Variants in SMAD4 observed in about 807,000 individuals in gnomAD.
SMAD4 encodes MAD homolog 4.
SMAD4 carries 7 observed loss-of-function variants against 63.2 expected under a neutral mutation model. The observed-to-expected ratio is 0.11, with a 90% CI of 0.06 to 0.21. The LOEUF is 0.21. Ranked by LOEUF, SMAD4 falls within the 10% of genes least tolerant of loss-of-function variation. The pLI is 1.00. For synonymous variants in SMAD4, 215 were observed against 235.4 expected, an observed-to-expected ratio of 0.91 and a Z score of 0.79; for missense variants, 312 against 693.8, an observed-to-expected ratio of 0.45 and a Z score of 6.18.
intron 4 of SMAD4, 127 bp downstream of exon 4, chr18:51,049,451 G>A: frequency 1.4e-6 from 1 of 739,294 alleles, no homozygotes; most frequent in East Asian, 2.6e-5. Flanking sequence ...TTACTGCTTT[G>A]GAAATGTAGA....
At chr18:51,071,268 A>G (rs924021659) in intron 10 of SMAD4, among the ~76,000 whole-genome samples, 1 of 150,946 alleles carries the variant, frequency 6.6e-6, no homozygotes, top group Non-Finnish European at 1.5e-5. Context: ...ATGCACATAC[A>G]CACACACACA....
chr18:51,071,027 A>C (rs898429260), intron 10 of SMAD4, among the ~76,000 whole-genome samples: 1 of 152,202 alleles, frequency 6.6e-6, no homozygotes, highest in Non-Finnish European at 1.5e-5. Flanking sequence ...CTAAAGTTTC[A>C]TGCATCCACT....
At chr18:51,050,841 C>G (rs1439643287) in intron 4 of SMAD4, among the ~76,000 whole-genome samples, 1 of 151,178 alleles carries the variant, frequency 6.6e-6, no homozygotes, top group African/African-American at 2.4e-5. Context: ...TTTTTTCCAC[C>G]TTTCTCCCAT....
chr18:51,084,901 GTCAGTT>G lies in SMAD4; in HGVS notation c.*6435_*6440del. ...GTAGCTTCTGCTTTGGGGACAACTG[GTCAGTT>G]GAAAGTCCCAGGAGTTCCTTTGTGG... On this transcript the variant is annotated 3_prime_UTR_variant, in exon 12 of 12. Coordinates refer to ENST00000342988, the MANE Select transcript of SMAD4 (RefSeq NM_005359.6). The G allele has an allele frequency of 4.5e-6, 1 of 221,594 alleles. No homozygotes were observed. Among genetic ancestry groups the G allele is most frequent in the Non-Finnish European group, 9.0e-6 (1 of 110,768 alleles). The allele number at this position is 221,594 out of a possible 1,614,324, so 13.7% of individuals were successfully genotyped here.
chr18:51,030,898 C>T (rs1430840793), intron 1 of SMAD4, among the ~76,000 whole-genome samples: 2 of 152,088 alleles, frequency 1.3e-5, no homozygotes, highest in Non-Finnish European at 2.9e-5. Flanking sequence ...ACTCCTGCCG[C>T]GGCCGCCGCT....
Position 51,047,307 on chromosome 18 carries a change from A to G in SMAD4, c.249+12A>G, listed in dbSNP as rs1158242863. 1 of 1,610,202 alleles carries G rather than the reference A, an allele frequency of 6.2e-7. No individual in the cohort carries two copies. Among genetic ancestry groups the G allele is most frequent in the Non-Finnish European group, 8.5e-7 (1 of 1,177,682 alleles). The stretch of plus-strand genomic sequence containing the variant: ...ATGGGAGGCTTCAGGTTAGTCTTAT[A>G]AGAGTTTTTCTATACCCTCTATGGT... On this transcript the variant is annotated intron_variant, in intron 2 of 11. Coordinates refer to ENST00000342988, the MANE Select transcript of SMAD4 (RefSeq NM_005359.6).
intron 4 of SMAD4, among the ~76,000 whole-genome samples, chr18:51,049,733 A>G (rs545974661): frequency 6.6e-6 from 1 of 152,294 alleles, no homozygotes; most frequent in Admixed American, 6.5e-5. Context: ...CAGTATTCTA[A>G]TTTTCCTTCA....
At chr18:51,031,358 C>CTGAA (rs1480393975) in intron 1 of SMAD4, among the ~76,000 whole-genome samples, 4 of 152,164 alleles carry the variant, frequency 2.6e-5, no homozygotes, top group African/African-American at 7.2e-5. Context: ...TTTAGTTAAC[C>CTGAA]TGAAAGGTTT....
intron 10 of SMAD4, among the ~76,000 whole-genome samples, chr18:51,074,748 C>T (rs1910429399): frequency 6.6e-6 from 1 of 152,212 alleles, no homozygotes; most frequent in South Asian, 2.1e-4. Context: ...TTGTTCTGTA[C>T]TGGGTAATGC....
At chr18:51,070,022 G>T (rs943863520) in intron 10 of SMAD4, among the ~76,000 whole-genome samples, 1 of 152,098 alleles carries the variant, frequency 6.6e-6, no homozygotes, top group Non-Finnish European at 1.5e-5. Flanking sequence ...ATTTTAAATA[G>T]TTTTTCTGTT....
Position 51,083,578 on chromosome 18 carries a change from C to A in SMAD4, c.*5111C>A. ...TATTTAAATGCTTTCTCAATAGGTCCAGAGCCAGTGTTCTTGTTCAACCTG... is the reference window on the plus strand; with the variant it reads ...TATTTAAATGCTTTCTCAATAGGTCAAGAGCCAGTGTTCTTGTTCAACCTG... On this transcript the variant is annotated 3_prime_UTR_variant, in exon 12 of 12. Transcript: ENST00000342988. The A allele has an allele frequency of 4.4e-6, 1 of 227,914 alleles. No homozygotes were observed. The highest frequency in any genetic ancestry group is 6.3e-5 in the East Asian group (1 of 15,990). 14.1% of individuals were successfully genotyped at this position (227,914 alleles called of 1,614,324 possible).
In SMAD4 at chr18:51,084,369, G is replaced by A. The variant is rs1046146220; in HGVS notation, c.*5902G>A. The A allele has an allele frequency of 8.7e-6, 2 of 229,580 alleles. No homozygotes were observed. The highest frequency in any genetic ancestry group is 2.2e-5 in the African/African-American group (1 of 45,064). 14.2% of individuals were successfully genotyped at this position (229,580 alleles called of 1,614,324 possible). On this transcript the variant is annotated 3_prime_UTR_variant, in exon 12 of 12. Transcript: ENST00000342988. ...TAGATGATTATTAACTTTATTCTTG[G>A]CTCTTTTTAGGTCCATTTTGATTAA... is the stretch of plus-strand genomic sequence containing the variant.
At chr18:51,058,509 C>A in intron 7 of SMAD4, 53 bp downstream of exon 7, 1 of 1,034,810 alleles carries the variant, frequency 9.7e-7, no homozygotes, top group Non-Finnish European at 1.4e-6. Context: ...TTTGGTAGGG[C>A]TTTGTTTTCT....
intron 11 of SMAD4, among the ~76,000 whole-genome samples, chr18:51,077,815 C>T (rs1297242714): frequency 6.6e-6 from 1 of 152,146 alleles, no homozygotes; most frequent in East Asian, 1.9e-4. Flanking sequence ...TCATCTCGGT[C>T]ATCTAAGAGG....
In SMAD4 at chr18:51,059,853, G is replaced by A. The variant is rs1488791339; in HGVS notation, c.905-13G>A. 6.2e-7 allele frequency: 1 copy of A among 1,607,034 alleles called. No homozygotes were observed. ...AGTAAATAAAAATGGAATTTTTGTT[G>A]TCTTTTCTTTAGGGCCTGTTCACAA... On this transcript the variant is annotated splice_polypyrimidine_tract_variant and intron_variant, in intron 7 of 11. Coordinates refer to ENST00000342988, the MANE Select transcript of SMAD4 (RefSeq NM_005359.6).
chr18:51,046,804 T>C (rs578242761), intron 1 of SMAD4, 116 bp from the exon 2 acceptor site: 1 of 434,452 alleles, frequency 2.3e-6, no homozygotes, highest in East Asian at 3.3e-5. Flanking sequence ...CATCAAATTT[T>C]AATTATGTGC....
Position 51,067,006 on chromosome 18 carries a change from T to C in SMAD4, c.1140-13T>C, listed in dbSNP as rs2144451555. 6.2e-6 allele frequency: 10 copies of C among 1,605,030 alleles called. No homozygotes were observed. The highest frequency in any genetic ancestry group is 8.5e-6 in the Non-Finnish European group (10 of 1,171,776). ...TTATCAAGATAAAATGTAATTTCTT[T>C]TTTCTTCCTAAGGTTGCACATAGGC... is the stretch of plus-strand genomic sequence containing the variant. On this transcript the variant is annotated splice_polypyrimidine_tract_variant and intron_variant, in intron 9 of 11. Coordinates refer to ENST00000342988, the MANE Select transcript of SMAD4 (RefSeq NM_005359.6).
At chr18:51,045,797 C>T (rs947369110) in intron 1 of SMAD4, among the ~76,000 whole-genome samples, 5 of 152,000 alleles carry the variant, frequency 3.3e-5, no homozygotes, top group Admixed American at 1.3e-4. Context: ...CCTCATTCCC[C>T]TTCCTCCCAG....
rs141309481 is a variant in SMAD4, at chr18:51,080,287, T to G, written c.*1820T>G. 3.0e-3 allele frequency: 691 copies of G among 232,224 alleles called. 3 individuals carry two copies. The highest frequency in any genetic ancestry group is 0.014 in the African/African-American group (614 of 45,448). The allele number at this position is 232,224 out of a possible 1,614,324, so 14.4% of individuals were successfully genotyped here. A position where few individuals can be genotyped will look rare whatever the true frequency, so the allele number is the denominator to read the frequency against. ...GATCCAAGCTACATGACTTTTGTCT[T>G]TAAATAACTTATCTACCACCTCATT... On this transcript the variant is annotated 3_prime_UTR_variant, in exon 12 of 12. Transcript: ENST00000342988.
Sources: allele counts gnomAD v4.1 joint callset (sites outside exome capture counted in the v4.1 genomes callset), GRCh38; gene constraint gnomAD v4.1.1; transcripts MANE v1.5; gene names NCBI Gene and HGNC (gene_info 2026-07-23, HGNC 2026-07-21).